ZNF257: variants seen among roughly 807,000 people sequenced by gnomAD.
ZNF257 encodes the protein bone marrow zinc finger 4.
Under a neutral mutation model 11.9 loss-of-function variants are expected in ZNF257, and 12 were observed. The observed-to-expected ratio is 1.01, with a 90% confidence interval of 0.65 to 1.63. The LOEUF is 1.63. ZNF257 is among the 40% of genes most tolerant of loss of function. ZNF257 has a pLI of 0.00. For missense variants in ZNF257, 580 were observed against 665.5 expected (o/e 0.87, Z 1.41); for synonymous variants, 183 against 222.7 (o/e 0.82, Z 1.59).
At chr19:22,052,815 C>T (rs1315378609) in intron 1 of ZNF257, among the ~76,000 whole-genome samples, 180 bp downstream of exon 1, 2 of 152,060 alleles carry the variant, frequency 1.3e-5, no homozygotes, top group Non-Finnish European at 2.9e-5. Context: ...CGCTGACAGC[C>T]GGGACCCCGG....
intron 1 of ZNF257, among the ~76,000 whole-genome samples, chr19:22,061,114 T>TTTG (rs386388745): frequency 1.3e-5 from 2 of 152,044 alleles, no homozygotes; most frequent in African/African-American, 4.8e-5. Context: ...CTCTTTTTTT[T>TTTG]TTGTTCCATA....
chr19:22,058,131 C>CA (rs34091734), intron 1 of ZNF257, among the ~76,000 whole-genome samples: 1 of 151,666 alleles, frequency 6.6e-6, no homozygotes, highest in Non-Finnish European at 1.5e-5. Context: ...ATGTGATGGG[C>CA]AAAAAAAAGA....
In ZNF257 at chr19:22,089,768, C is replaced by T; in HGVS notation, c.*326C>T. The T allele has an allele frequency of 2.7e-6, 1 of 366,978 alleles. No homozygotes were observed. The highest frequency in any genetic ancestry group is 5.0e-6 in the Non-Finnish European group (1 of 200,788). The allele number at this position is 366,978 out of a possible 1,614,324, so 22.7% of individuals were successfully genotyped here. A position where few individuals can be genotyped will look rare whatever the true frequency, so the allele number is the denominator to read the frequency against. ...CAACCCTTATTACACATAATTTATA[C>T]TGGACAGAAATCCTAAAGTGTGAAG... On this transcript the variant is annotated 3_prime_UTR_variant, in exon 4 of 4. Transcript: ENST00000594947.
intron 1 of ZNF257, among the ~76,000 whole-genome samples, chr19:22,061,520 T>C (rs1174802063): frequency 6.6e-6 from 1 of 152,184 alleles, no homozygotes; most frequent in Admixed American, 6.5e-5. Flanking sequence ...TGTTTGTCAG[T>C]TTAAAGAGCT....
At chr19:22,083,305 A>G (rs1207704869) in intron 3 of ZNF257, among the ~76,000 whole-genome samples, 1 of 152,080 alleles carries the variant, frequency 6.6e-6, no homozygotes, top group Non-Finnish European at 1.5e-5. Context: ...CCCCGTCTCT[A>G]CTGAAAATAC....
intron 1 of ZNF257, among the ~76,000 whole-genome samples, chr19:22,067,939 A>G (rs948707786): frequency 9.9e-5 from 15 of 150,928 alleles, no homozygotes; most frequent in African/African-American, 3.7e-4. Flanking sequence ...CACAAGTAGC[A>G]TCAATTTAAC....
chr19:22,052,498 T>A lies in ZNF257; in HGVS notation c.-135T>A. On this transcript the variant is annotated 5_prime_UTR_variant, in exon 1 of 4. Coordinates refer to ENST00000594947, the MANE Select transcript of ZNF257 (RefSeq NM_033468.4). ...GTTTGGCGGGTACTTTGTCTCTCGC[T>A]CTAGCCCGAGCTGCAGGTCTCGTCT... 1 of 1,058,104 alleles carries A rather than the reference T, an allele frequency of 9.5e-7. No individual in the cohort carries two copies. Among genetic ancestry groups the A allele is most frequent in the Non-Finnish European group, 1.4e-6 (1 of 710,412 alleles). The allele number at this position is 1,058,104 out of a possible 1,614,324, so 65.5% of individuals were successfully genotyped here.
intron 2 of ZNF257, 60 bp from the exon 3 acceptor site, chr19:22,073,409 T>C (rs1037639049): frequency 2.5e-5 from 39 of 1,533,486 alleles, no homozygotes; most frequent in Non-Finnish European, 3.3e-5. Flanking sequence ...TTGAGCACAT[T>C]ACTAAGTTGG....
chr19:22,078,204 C>T (rs901193786), intron 3 of ZNF257, among the ~76,000 whole-genome samples: 1 of 144,434 alleles, frequency 6.9e-6, no homozygotes, highest in African/African-American at 2.6e-5. Context: ...CGCCACTGCA[C>T]TCCAGCCTGG....
intron 1 of ZNF257, chr19:22,064,450 C>T (rs1011461415): frequency 4.6e-5 from 7 of 152,014 alleles, no homozygotes; most frequent in African/African-American, 1.7e-4. Flanking sequence ...CTTTTAAAGT[C>T]GACAGTTTTG....
intron 3 of ZNF257, chr19:22,075,578 C>T (rs566807310): frequency 6.6e-6 from 1 of 152,326 alleles, no homozygotes; most frequent in South Asian, 2.1e-4. Flanking sequence ...TCAGAATTCT[C>T]AGTGGGACCA....
chr19:22,069,585 T>C (rs1488484527), intron 1 of ZNF257, among the ~76,000 whole-genome samples: 1 of 148,334 alleles, frequency 6.7e-6, no homozygotes, highest in Non-Finnish European at 1.5e-5. Context: ...ATTGAGTGAT[T>C]GCATTCCAGC....
chr19:22,074,332 G>T (rs1384669453), intron 3 of ZNF257: 1 of 151,790 alleles, frequency 6.6e-6, no homozygotes. Context: ...GGTCAAATTT[G>T]TTCTCAGAAA....
In ZNF257 at chr19:22,089,143, G is replaced by A. The variant is rs1182305008; in HGVS notation, c.1393G>A (p.Gly465Ser). The A allele has an allele frequency of 1.2e-6, 2 of 1,613,528 alleles. No individual in the cohort carries two copies. Among genetic ancestry groups the A allele is most frequent in the Non-Finnish European group, 1.7e-6 (2 of 1,179,892 alleles). ...GAAACCCTACAAATGTGAAGAGTGTGGCAAAGCCTTTAACCAGTCTTCACA... is the reference window on the plus strand; with the variant it reads ...GAAACCCTACAAATGTGAAGAGTGTAGCAAAGCCTTTAACCAGTCTTCACA... ...GEKPYKCEEC[G>S]KAFNQSSHLT... The change falls in exon 4 of 4, where the codon GGC (glycine) becomes AGC (serine). Residue 465 changes from glycine (G) to serine (S), a missense_variant. Coordinates refer to ENST00000594947, the MANE Select transcript of ZNF257 (RefSeq NM_033468.4).
chr19:22,085,077 A>G (rs2022446812), intron 3 of ZNF257, among the ~76,000 whole-genome samples: 1 of 151,366 alleles, frequency 6.6e-6, no homozygotes, highest in African/African-American at 2.4e-5. Flanking sequence ...GTTTTGAGAC[A>G]GAGTCCTGCT....
At chr19:22,072,993 T>A (rs1041479825) in intron 2 of ZNF257, 58 bp downstream of exon 2, 7 of 1,403,748 alleles carry the variant, frequency 5.0e-6, no homozygotes, top group African/African-American at 2.3e-5. Context: ...ATTTTTTATT[T>A]ATTTTTTTTT....
intron 3 of ZNF257, among the ~76,000 whole-genome samples, chr19:22,076,978 G>A (rs2022239176): frequency 2.0e-5 from 3 of 152,020 alleles, no homozygotes; most frequent in South Asian, 4.1e-4. Flanking sequence ...ATGAGCCACC[G>A]CACCTGTCCT....
At chr19:22,059,969 A>G (rs1262258094) in intron 1 of ZNF257, among the ~76,000 whole-genome samples, 1 of 152,136 alleles carries the variant, frequency 6.6e-6, no homozygotes, top group Non-Finnish European at 1.5e-5. Flanking sequence ...AGCTCTGGCA[A>G]TCCACCAGCT....
chr19:22,088,001 AC>A lies in ZNF257; in HGVS notation c.253del (p.Leu85PhefsTer7). The A allele has an allele frequency of 6.6e-7, 1 of 1,515,688 alleles. No individual in the cohort carries two copies. Among genetic ancestry groups the A allele is most frequent in the South Asian group, 1.4e-5 (1 of 73,024 alleles). The allele number at this position is 1,515,688 out of a possible 1,614,324, so 93.9% of individuals were successfully genotyped here. The part of the protein sequence containing the change: ...PPVMCSHIAE[D>X]LCPERDIKYF... ...GTTATGTGTTCTCATATTGCTGAAGACCTTTGCCCAGAGCGAGACATAAAAT... is the reference window on the plus strand; with the variant it reads ...GTTATGTGTTCTCATATTGCTGAAGACTTTGCCCAGAGCGAGACATAAAAT... On this transcript the variant is annotated frameshift_variant, in exon 4 of 4. Coordinates refer to ENST00000594947, the MANE Select transcript of ZNF257 (RefSeq NM_033468.4). LOFTEE classifies it low-confidence loss of function (END_TRUNC).
Sources: gnomAD v4.1 joint callset for allele counts (sites outside exome capture counted in the v4.1 genomes callset) on GRCh38, gnomAD v4.1.1 for gene constraint, MANE v1.5 for transcripts, NCBI Gene and HGNC (gene_info 2026-07-23, HGNC 2026-07-21) for gene names.